The following SPOPL variants were observed in gnomAD, a reference collection of about 807,000 sequenced individuals.
The protein encoded by SPOPL is speckle-type POZ protein-like.
SPOPL carries 23 observed loss-of-function variants against 53.8 expected under a neutral mutation model. The observed-to-expected ratio is 0.43, with a 90% CI of 0.31 to 0.61. SPOPL has a LOEUF of 0.61. SPOPL is among the 20% of genes least tolerant of loss of function. SPOPL has a pLI of 0.12. For synonymous variants in SPOPL, 164 were observed against 149.7 expected (o/e 1.10, Z -0.70); for missense variants, 442 against 466.9 (o/e 0.95, Z 0.49).
At chr2:138,558,999 T>C in intron 5 of SPOPL, 23 bp from the exon 6 acceptor site, 1 of 1,545,064 alleles carries the variant, frequency 6.5e-7, no homozygotes, top group Non-Finnish European at 8.7e-7. Flanking sequence ...AAAGTGTTTT[T>C]CTTGCTGTCC....
At chr2:138,566,977 G>A (rs142800088) in intron 10 of SPOPL, among the ~76,000 whole-genome samples, 6 of 152,170 alleles carry the variant, frequency 3.9e-5, no homozygotes, top group African/African-American at 1.2e-4. Flanking sequence ...AGAAGGGACA[G>A]CATGAACCAA....
chr2:138,518,046 CAAAA>C (rs61662616), intron 1 of SPOPL, among the ~76,000 whole-genome samples: 2 of 67,800 alleles, frequency 2.9e-5, no homozygotes, highest in East Asian at 3.4e-4. Flanking sequence ...GAAACTGTCT[CAAAA>C]AAAAAAAAAA....
chr2:138,560,017 A>C (rs1312227010), intron 7 of SPOPL, among the ~76,000 whole-genome samples: 1 of 152,140 alleles, frequency 6.6e-6, no homozygotes, highest in Non-Finnish European at 1.5e-5. Context: ...GATCACTTCC[A>C]AGTTGGGAGA....
chr2:138,568,600 C>T (rs779750273), intron 10 of SPOPL, among the ~76,000 whole-genome samples: 7 of 152,002 alleles, frequency 4.6e-5, no homozygotes, highest in Non-Finnish European at 8.8e-5. Context: ...ATATTTGTAA[C>T]TCAAGAGAAA....
chr2:138,507,841 G>A (rs1420220417), intron 1 of SPOPL, among the ~76,000 whole-genome samples: 1 of 151,948 alleles, frequency 6.6e-6, no homozygotes, highest in Non-Finnish European at 1.5e-5. Context: ...TATTGCCCAA[G>A]GTAGTGTTTT....
chr2:138,567,372 AGTGTGTGTGTGTGTGTGTGTGT>A (rs57208490), intron 10 of SPOPL, among the ~76,000 whole-genome samples: 66 of 113,036 alleles, frequency 5.8e-4, no homozygotes, highest in South Asian at 1.8e-3. Context: ...AGAGCAGTAT[AGTGTGTGTGTGTGTGTGTGTGT>A]GTGTGTGTGT....
intron 10 of SPOPL, among the ~76,000 whole-genome samples, chr2:138,567,017 A>G (rs1039587796): frequency 6.6e-6 from 1 of 152,340 alleles, no homozygotes; most frequent in East Asian, 1.9e-4. Flanking sequence ...GTAGTTGATC[A>G]TTCATTTGAC....
intron 1 of SPOPL, among the ~76,000 whole-genome samples, chr2:138,515,437 G>GA (rs1358663077): frequency 6.6e-6 from 1 of 152,150 alleles, no homozygotes; most frequent in Non-Finnish European, 1.5e-5. Flanking sequence ...TTCAGAACTT[G>GA]AAAAAAGTTG....
chr2:138,543,660 C>A (rs894609878), intron 1 of SPOPL, among the ~76,000 whole-genome samples: 1 of 152,088 alleles, frequency 6.6e-6, no homozygotes, highest in Non-Finnish European at 1.5e-5. Flanking sequence ...AGGTTTTTAA[C>A]TTCTTTGCCA....
At chr2:138,515,636 T>C (rs950902014) in intron 1 of SPOPL, among the ~76,000 whole-genome samples, 8 of 152,222 alleles carry the variant, frequency 5.3e-5, no homozygotes, top group African/African-American at 1.9e-4. Flanking sequence ...GTTAAGATTG[T>C]AATTCTTTTC....
chr2:138,513,848 T>C (rs1374476767), intron 1 of SPOPL, among the ~76,000 whole-genome samples: 1 of 152,058 alleles, frequency 6.6e-6, no homozygotes, highest in East Asian at 1.9e-4. Flanking sequence ...TGAGGGAAGA[T>C]TCAAAAAAGT....
chr2:138,552,306 A>G (rs779367330), intron 4 of SPOPL, among the ~76,000 whole-genome samples: 2 of 152,018 alleles, frequency 1.3e-5, no homozygotes, highest in Non-Finnish European at 2.9e-5. Context: ...TGACTTTTCT[A>G]TTTGAGATCC....
chr2:138,561,655 T>C (rs1685552027), intron 8 of SPOPL, among the ~76,000 whole-genome samples: 1 of 152,100 alleles, frequency 6.6e-6, no homozygotes, highest in Non-Finnish European at 1.5e-5. Context: ...TCTATGACTG[T>C]CTCAATAAAA....
chr2:138,554,399 G>T (rs781274257), intron 5 of SPOPL: 31 of 1,155,206 alleles, frequency 2.7e-5, no homozygotes, highest in African/African-American at 3.2e-5. Flanking sequence ...GCCCTCCACT[G>T]TTTGTTCCAC....
chr2:138,564,732 A>C lies in SPOPL; in HGVS notation c.862A>C (p.Met288Leu). 1 of 1,614,178 alleles carries C rather than the reference A, an allele frequency of 6.2e-7. No homozygotes were observed. The highest frequency in any genetic ancestry group is 8.5e-7 in the Non-Finnish European group (1 of 1,180,010). Residue 288 changes from methionine to leucine, a missense_variant, in exon 9 of 11, where the codon ATG (methionine) becomes CTG (leucine). Physicochemically the swap from Met to Leu is conservative, Grantham distance 15. Coordinates refer to ENST00000280098, the MANE Select transcript of SPOPL (RefSeq NM_001001664.3). ...DKYALERLKV[M>L]CEEALCSNLS... ...GTATGCACTGGAACGGCTGAAGGTCATGTGCGAAGAAGCTTTGTGTAGTAA... is the reference window on the plus strand; with the variant it reads ...GTATGCACTGGAACGGCTGAAGGTCCTGTGCGAAGAAGCTTTGTGTAGTAA...
In SPOPL at chr2:138,551,010, A is replaced by T. The variant is rs749513872; in HGVS notation, c.308A>T (p.Lys103Ile). 1 of 1,613,440 alleles carries T rather than the reference A, an allele frequency of 6.2e-7. No homozygotes were observed. Among genetic ancestry groups the T allele is most frequent in the Non-Finnish European group, 8.5e-7 (1 of 1,179,560 alleles). ...AAAAGTGAAGTTCGAGCAAAATTCA[A>T]ATTTTCCCTTCTGAATGCTAAAAGG... ...CPKSEVRAKF[K>I]FSLLNAKREE... The change falls in exon 4 of 11, where the codon AAA becomes ATA. Residue 103 changes from lysine (K) to isoleucine (I), a missense_variant. By Grantham distance (102) the Lys-to-Ile change is moderately radical (BLOSUM62 -3). Coordinates refer to ENST00000280098, the MANE Select transcript of SPOPL (RefSeq NM_001001664.3).
chr2:138,547,060 G>A (rs994938464), intron 1 of SPOPL, among the ~76,000 whole-genome samples: 10 of 152,154 alleles, frequency 6.6e-5, no homozygotes, highest in Admixed American at 1.3e-4. Flanking sequence ...CCACCTCCCA[G>A]ATTGAAACAA....
intron 1 of SPOPL, among the ~76,000 whole-genome samples, chr2:138,546,989 G>T (rs187231579): frequency 1.3e-5 from 2 of 151,996 alleles, no homozygotes; most frequent in East Asian, 3.9e-4. Context: ...TTTTTGAGAT[G>T]GAGTCTCACT....
chr2:138,513,334 A>C (rs1573867910), intron 1 of SPOPL, among the ~76,000 whole-genome samples: 1 of 152,124 alleles, frequency 6.6e-6, no homozygotes, highest in Non-Finnish European at 1.5e-5. Flanking sequence ...CCGGTGGATC[A>C]CCTGACGTAA....
Sources: allele counts gnomAD v4.1 joint callset (sites outside exome capture counted in the v4.1 genomes callset), GRCh38; gene constraint gnomAD v4.1.1; transcripts MANE v1.5; gene names NCBI Gene and HGNC (gene_info 2026-07-23, HGNC 2026-07-21).